Variants in PTPRD observed in about 807,000 individuals in gnomAD.
PTPRD encodes the protein receptor-type tyrosine-protein phosphatase delta.
Under a neutral mutation model 214.5 loss-of-function variants are expected in PTPRD, and 34 were observed. That is an observed-to-expected ratio of 0.16 (90% CI 0.12 to 0.21). The LOEUF is 0.21. PTPRD is among the 10% of genes least tolerant of loss of function. The pLI is 1.00. For missense variants in PTPRD, 2,545 were observed against 2,398.7 expected (o/e 1.06, Z -1.27); for synonymous variants, 1,128 against 845.7 (o/e 1.33, Z -5.79).
chr9:10,578,860 GTGTTT>G (rs767175757), intron 2 of PTPRD, among the ~76,000 whole-genome samples: 1 of 151,902 alleles, frequency 6.6e-6, no homozygotes, highest in Admixed American at 6.6e-5. Flanking sequence ...CCCAATAGTC[GTGTTT>G]TGTTTTGTTT....
intron 4 of PTPRD, among the ~76,000 whole-genome samples, chr9:9,951,763 A>T (rs528710206): frequency 6.6e-6 from 1 of 152,358 alleles, no homozygotes; most frequent in South Asian, 2.1e-4. Flanking sequence ...AACAGATTAT[A>T]CATCACAGGA....
intron 14 of PTPRD, among the ~76,000 whole-genome samples, chr9:8,540,972 T>C (rs1474657250): frequency 1.3e-5 from 2 of 152,174 alleles, no homozygotes; most frequent in East Asian, 3.8e-4. Flanking sequence ...ACAGAGGTAA[T>C]GGCAGTTTTC....
chr9:9,014,378 T>G (rs2099525514), intron 11 of PTPRD, among the ~76,000 whole-genome samples: 1 of 152,138 alleles, frequency 6.6e-6, no homozygotes, highest in South Asian at 2.1e-4. Context: ...TATTTTTGCT[T>G]TTAGTCATGC....
intron 2 of PTPRD, among the ~76,000 whole-genome samples, chr9:10,421,783 G>C (rs2098548329): frequency 6.6e-6 from 1 of 151,484 alleles, no homozygotes; most frequent in Non-Finnish European, 1.5e-5. Flanking sequence ...TCCATTTTGT[G>C]CTCAGTTTTA....
At chr9:10,412,700 C>T (rs1434528188) in intron 2 of PTPRD, among the ~76,000 whole-genome samples, 3 of 150,968 alleles carry the variant, frequency 2.0e-5, no homozygotes, top group East Asian at 3.9e-4. Context: ...AACATTGATG[C>T]GAAAACCCTC....
intron 3 of PTPRD, among the ~76,000 whole-genome samples, chr9:10,109,332 A>C (rs144167191): frequency 1.3e-5 from 2 of 152,320 alleles, no homozygotes; most frequent in East Asian, 3.9e-4. Flanking sequence ...GTTGATGTTA[A>C]ATTGGCTGGC....
chr9:9,444,060 T>C (rs1218735156), intron 8 of PTPRD, among the ~76,000 whole-genome samples: 1 of 152,216 alleles, frequency 6.6e-6, no homozygotes, highest in East Asian at 1.9e-4. Flanking sequence ...GGACTATTTC[T>C]TGAGTAAGTC....
intron 2 of PTPRD, among the ~76,000 whole-genome samples, chr9:10,479,663 A>ATAAATACATAAATAAATG (rs2099085351): frequency 6.6e-6 from 1 of 151,896 alleles, no homozygotes. Context: ...ATAAATAAAC[A>ATAAATACATAAATAAATG]AAAATACAAA....
At chr9:9,055,441 G>A (rs190358915) in intron 10 of PTPRD, among the ~76,000 whole-genome samples, 5 of 152,126 alleles carry the variant, frequency 3.3e-5, no homozygotes, top group East Asian at 3.9e-4. Flanking sequence ...AAATATATAC[G>A]TAATGCCAGT....
rs546344629 is a variant in PTPRD at position 8,930,531 on chromosome 9, C to T, written c.-104+88166G>A. Among the ~76,000 whole-genome samples the T allele has an allele frequency of 1.6e-3, 250 of 152,166 alleles. 1 individual carries two copies. The highest frequency in any genetic ancestry group is 1.8e-3 in the Non-Finnish European group (125 of 68,000). Reference sequence around the variant, plus strand: ...TTCTAGTTCTAGATCCCGGAGGAATCGCCACACTGTCTTCCACAATGGTTG... The same window carrying T: ...TTCTAGTTCTAGATCCCGGAGGAATTGCCACACTGTCTTCCACAATGGTTG... On this transcript the variant is annotated intron_variant, in intron 11 of 45. Coordinates refer to ENST00000381196, the MANE Select transcript of PTPRD (RefSeq NM_002839.4).
intron 10 of PTPRD, among the ~76,000 whole-genome samples, chr9:9,135,468 C>T (rs996325657): frequency 6.6e-6 from 1 of 152,090 alleles, no homozygotes; most frequent in Non-Finnish European, 1.5e-5. Context: ...TGATGGCTGC[C>T]ACCAGGACTT....
chr9:9,279,313 C>A (rs891399548), intron 9 of PTPRD, among the ~76,000 whole-genome samples: 19 of 146,494 alleles, frequency 1.3e-4, no homozygotes, highest in Non-Finnish European at 2.1e-4. Flanking sequence ...TATACACATG[C>A]ATATATACAG....
chr9:9,951,679 T>C (rs1234071995), intron 4 of PTPRD, among the ~76,000 whole-genome samples: 1 of 152,230 alleles, frequency 6.6e-6, no homozygotes. Flanking sequence ...AGCCCCTCTA[T>C]GCCTTCAGGC....
intron 14 of PTPRD, among the ~76,000 whole-genome samples, chr9:8,601,336 G>T (rs1265751345): frequency 6.6e-6 from 1 of 152,160 alleles, no homozygotes; most frequent in African/African-American, 2.4e-5. Context: ...CTTAAAAGAA[G>T]GCCTGGATGG....
At chr9:8,934,469 A>ATATATAAATT (rs2098979305) in intron 11 of PTPRD, among the ~76,000 whole-genome samples, 2 of 13,022 alleles carry the variant, frequency 1.5e-4, no homozygotes, top group South Asian at 2.1e-3. Flanking sequence ...ATATAAATAT[A>ATATATAAATT]TATATATAAA....
Position 10,405,087 on chromosome 9 carries a change from A to ATT in PTPRD, c.-599-64072_-599-64071dup, listed in dbSNP as rs2098331965. Among the ~76,000 whole-genome samples the ATT allele has an allele frequency of 2.9e-4, 2 of 6,964 alleles. 1 individual carries two copies. The highest frequency in any genetic ancestry group is 5.1e-4 in the African/African-American group (2 of 3,952). The allele number at this position is 6,964 out of a possible 152,430, so 4.6% of individuals were successfully genotyped here. On this transcript the variant is annotated intron_variant, in intron 2 of 45. Transcript: ENST00000381196. Reference sequence around the variant, plus strand: ...AAGAGCAATCTCATCACATGCTTGGATTAACCAACAATTAACTGGCTATCG... The same window carrying ATT: ...AAGAGCAATCTCATCACATGCTTGGATTTTAACCAACAATTAACTGGCTATCG...
chr9:9,892,054 TC>T (rs1264085123), intron 5 of PTPRD, among the ~76,000 whole-genome samples: 2 of 152,172 alleles, frequency 1.3e-5, no homozygotes, highest in Non-Finnish European at 1.5e-5. Context: ...ACTTTTAATT[TC>T]TTCTATGTAC....
chr9:10,124,214 T>C (rs1190641804), intron 3 of PTPRD, among the ~76,000 whole-genome samples: 1 of 152,176 alleles, frequency 6.6e-6, no homozygotes, highest in Non-Finnish European at 1.5e-5. Flanking sequence ...TTTAATATAA[T>C]TAAAACACAA....
intron 11 of PTPRD, among the ~76,000 whole-genome samples, chr9:8,871,539 T>C (rs1423746031): frequency 6.6e-6 from 1 of 151,920 alleles, no homozygotes; most frequent in Non-Finnish European, 1.5e-5. Flanking sequence ...TGAGGAAGAG[T>C]TTATATTTAG....
Sources: gnomAD v4.1 joint callset for allele counts (sites outside exome capture counted in the v4.1 genomes callset) on GRCh38, gnomAD v4.1.1 for gene constraint, MANE v1.5 for transcripts, NCBI Gene and HGNC (gene_info 2026-07-23, HGNC 2026-07-21) for gene names.